The following WWP2 variants were observed in gnomAD, a reference collection of about 807,000 sequenced individuals.
WWP2 encodes NEDD4-like E3 ubiquitin-protein ligase WWP2.
WWP2 carries 57 observed loss-of-function variants against 121.0 expected under a neutral mutation model. The ratio of observed to expected loss-of-function variants is 0.47; its 90% confidence interval spans 0.38 to 0.59. The LOEUF (loss-of-function observed/expected upper bound fraction) is 0.59, where lower values mean the gene tolerates loss of function less well. Among genes scored for constraint, WWP2 ranks in the 20% least tolerant of loss-of-function variants. The probability of loss-of-function intolerance (pLI) is 0.00; values close to 1 mark genes in which losing one functional copy is unlikely to be tolerated. For synonymous variants in WWP2, 449 were observed against 441.3 expected (o/e 1.02, Z -0.22); for missense variants, 962 against 1,158.9 (o/e 0.83, Z 2.47).
intron 8 of WWP2, among the ~76,000 whole-genome samples, chr16:69,906,974 A>G (rs956090017): frequency 3.3e-5 from 5 of 152,256 alleles, no homozygotes; most frequent in Non-Finnish European, 5.9e-5. Context: ...ATATTTGTCA[A>G]TGACACATTA....
At chr16:69,936,125 G>C in intron 18 of WWP2, 139 bp downstream of exon 18, 1 of 1,460,312 alleles carries the variant, frequency 6.8e-7, no homozygotes, top group East Asian at 2.3e-5. Context: ...CTTGTGGAGA[G>C]GAATGTCCTC....
At chr16:69,931,938 G>A (rs767026070) in intron 16 of WWP2, 48 bp downstream of exon 16, 13 of 1,551,624 alleles carry the variant, frequency 8.4e-6, no homozygotes, top group Non-Finnish European at 1.1e-5. Context: ...GCTTCCCCAG[G>A]CTACAGCATC....
rs2056109135 is a variant in WWP2, at chr16:69,799,097, A to C, written c.219-77A>C. The C allele has an allele frequency of 1.3e-6, 2 of 1,543,874 alleles. No individual in the cohort carries two copies. The highest frequency in any genetic ancestry group is 1.7e-6 in the Non-Finnish European group (2 of 1,146,298). On this transcript the variant is annotated intron_variant, in intron 3 of 23. Coordinates refer to ENST00000359154, the MANE Select transcript of WWP2 (RefSeq NM_001270454.2). This position sits in a 1 kb window ranked among gnomAD's most constrained non-coding sequence, Gnocchi z 4.5. ...GGTTCCCCCTCCCCAAGATGTCAGCAGTTTAGTTTAAATGTTTTCTTCTAA... is the reference window on the plus strand; with the variant it reads ...GGTTCCCCCTCCCCAAGATGTCAGCCGTTTAGTTTAAATGTTTTCTTCTAA...
rs777329417 is a variant in WWP2 at position 69,937,559 on chromosome 16, C to T, written c.2250C>T (p.Cys750=). 5.6e-6 allele frequency: 9 copies of T among 1,613,940 alleles called. No homozygotes were observed. The highest frequency in any genetic ancestry group is 3.3e-4 in the Middle Eastern group (2 of 6,062). Reference sequence around the variant, plus strand: ...CCGCCTCTCCCCAGCTGATGCTGTGCGGCATGCAGGAGATAGACATGAGCG... The same window carrying T: ...CCGCCTCTCCCCAGCTGATGCTGTGTGGCATGCAGGAGATAGACATGAGCG... The part of the protein sequence containing the change: ...FDEKELELML[C]GMQEIDMSDW... The change falls in exon 21 of 24, where the codon TGC becomes TGT. Residue 750 remains cysteine (C), a synonymous_variant. Coordinates refer to ENST00000359154, the MANE Select transcript of WWP2 (RefSeq NM_001270454.2). The surrounding 1 kb of genome is among the most constrained non-coding windows in gnomAD (Gnocchi z 6.6).
intron 1 of WWP2, among the ~76,000 whole-genome samples, chr16:69,768,525 G>A (rs1403572476): frequency 3.9e-5 from 6 of 152,108 alleles, no homozygotes; most frequent in African/African-American, 1.4e-4. Context: ...CAGGAGAATC[G>A]CTTGAACCCA....
Position 69,936,310 on chromosome 16 carries a change from A to T in WWP2, c.1977-2A>T. ...TCCCCACTTGGTCTCCTGTGCCCCCAGAGAGAACAACCTGGAAGAATGTGG... is the reference window on the plus strand; with the variant it reads ...TCCCCACTTGGTCTCCTGTGCCCCCTGAGAGAACAACCTGGAAGAATGTGG... On this transcript the variant is annotated splice_acceptor_variant, in intron 18 of 23. Transcript: ENST00000359154. LOFTEE classifies it high-confidence loss of function. 6.2e-7 allele frequency: 1 copy of T among 1,614,060 alleles called. No individual in the cohort carries two copies. Among genetic ancestry groups the T allele is most frequent in the Non-Finnish European group, 8.5e-7 (1 of 1,180,002 alleles).
At position 69,799,062 on chromosome 16, in the gene WWP2, T is replaced by A. The variant is rs193005441; in HGVS notation, c.219-112T>A. 6.7e-7 allele frequency: 1 copy of A among 1,484,336 alleles called. No homozygotes were observed. Among genetic ancestry groups the A allele is most frequent in the African/African-American group, 1.4e-5 (1 of 71,028 alleles). The allele number at this position is 1,484,336 out of a possible 1,614,324, so 91.9% of individuals were successfully genotyped here. ...AGGGGAAAGGATATATGTGGGTGTCTGCCTGTTTTGGTTCCCCCTCCCCAA... is the reference window on the plus strand; with the variant it reads ...AGGGGAAAGGATATATGTGGGTGTCAGCCTGTTTTGGTTCCCCCTCCCCAA... On this transcript the variant is annotated intron_variant, in intron 3 of 23. Coordinates refer to ENST00000359154, the MANE Select transcript of WWP2 (RefSeq NM_001270454.2). The surrounding 1 kb of genome is among the most constrained non-coding windows in gnomAD (Gnocchi z 4.5).
In WWP2 at chr16:69,935,657, C is replaced by A. The variant is rs1213488934; in HGVS notation, c.1843-196C>A. 6.6e-6 allele frequency among the ~76,000 whole-genome samples: 1 copy of A among 152,240 alleles called. No homozygotes were observed. Among genetic ancestry groups the A allele is most frequent in the Non-Finnish European group, 1.5e-5 (1 of 68,046 alleles). On this transcript the variant is annotated intron_variant, in intron 17 of 23. Coordinates refer to ENST00000359154, the MANE Select transcript of WWP2 (RefSeq NM_001270454.2). The surrounding 1 kb of genome is among the most constrained non-coding windows in gnomAD (Gnocchi z 5.2). ...TCTGCAGGGCAGGGTGGGAGTCCCT[C>A]TGTAGGTACAAGTCAGGATAAAGGC...
intron 4 of WWP2, among the ~76,000 whole-genome samples, chr16:69,810,056 G>A (rs1032755312): frequency 3.3e-5 from 5 of 152,282 alleles, no homozygotes; most frequent in African/African-American, 9.6e-5. Context: ...TAGTCTTCCC[G>A]CAGCATCTTT....
At chr16:69,781,664 T>G (rs1359543920) in intron 1 of WWP2, among the ~76,000 whole-genome samples, 1 of 152,134 alleles carries the variant, frequency 6.6e-6, no homozygotes, top group Non-Finnish European at 1.5e-5. Flanking sequence ...AGACGGTGTC[T>G]TAGTTCATTT....
At chr16:69,762,785 T>A (rs1002453837) in intron 1 of WWP2, among the ~76,000 whole-genome samples, 5 of 152,074 alleles carry the variant, frequency 3.3e-5, no homozygotes, top group Non-Finnish European at 7.4e-5. Context: ...AAAATGGGTT[T>A]ATGGCGTGGA....
chr16:69,869,349 C>CT (rs113948249), intron 6 of WWP2, among the ~76,000 whole-genome samples: 15,469 of 141,132 alleles, frequency 0.11, 1,097 homozygotes, highest in African/African-American at 0.21. Context: ...CCTTTTTCTC[C>CT]TTTTTTTTTT....
chr16:69,856,459 C>A (rs1335027508), intron 6 of WWP2, among the ~76,000 whole-genome samples: 1 of 152,084 alleles, frequency 6.6e-6, no homozygotes, highest in African/African-American at 2.4e-5. Flanking sequence ...GTAAATTATA[C>A]CTTAATTTTA....
chr16:69,888,309 G>C (rs776077841), intron 8 of WWP2, 60 bp downstream of exon 8: 19 of 1,543,158 alleles, frequency 1.2e-5, no homozygotes, highest in Admixed American at 7.9e-5. Flanking sequence ...GCTCCTTTAC[G>C]GGGGTGGAAA....
intron 1 of WWP2, among the ~76,000 whole-genome samples, chr16:69,784,005 A>G (rs1056980208): frequency 6.6e-6 from 1 of 151,972 alleles, no homozygotes; most frequent in Non-Finnish European, 1.5e-5. Context: ...TCAGTTCTCA[A>G]GTGTGGTCCT....
rs1371155688 is a variant in WWP2 at position 69,799,519 on chromosome 16, G to A, written c.340+224G>A. On this transcript the variant is annotated intron_variant, in intron 4 of 23. Transcript: ENST00000359154. This position sits in a 1 kb window ranked among gnomAD's most constrained non-coding sequence, Gnocchi z 4.5. ...GCCTCTAGTAATGTGATGCAGTGGT[G>A]TGTTGCCCTTTATCCTTCCTTAGGG... The A allele has an allele frequency of 1.7e-5, 8 of 482,744 alleles. No individual in the cohort carries two copies. The highest frequency in any genetic ancestry group is 5.6e-4 in the Middle Eastern group (1 of 1,770). 29.9% of individuals were successfully genotyped at this position (482,744 alleles called of 1,614,324 possible). A position where few individuals can be genotyped will look rare whatever the true frequency, so the allele number is the denominator to read the frequency against.
intron 9 of WWP2, 155 bp from the exon 10 acceptor site, chr16:69,917,554 C>T: frequency 1.3e-6 from 1 of 765,970 alleles, no homozygotes; most frequent in Non-Finnish European, 2.0e-6. Context: ...TTGGGTGCTG[C>T]AGAGGCAACC....
chr16:69,889,257 A>G (rs931153388), intron 8 of WWP2, among the ~76,000 whole-genome samples: 21 of 152,192 alleles, frequency 1.4e-4, no homozygotes, highest in Admixed American at 6.5e-5. Context: ...GCCAGGAGTT[A>G]GAGGCAGCAG....
chr16:69,847,209 A>G (rs2102067), intron 6 of WWP2, among the ~76,000 whole-genome samples: 103,942 of 151,850 alleles, frequency 0.68, 37,316 homozygotes, highest in African/African-American at 0.9. Flanking sequence ...CTCATCCTCC[A>G]GAGTAGCTGG....
Sources: allele counts gnomAD v4.1 joint callset (sites outside exome capture counted in the v4.1 genomes callset), GRCh38; gene constraint gnomAD v4.1.1; non-coding constraint Gnocchi (gnomAD v3.1); transcripts MANE v1.5; gene names NCBI Gene and HGNC (gene_info 2026-07-23, HGNC 2026-07-21).